Variants in KLF13 observed in about 807,000 individuals in gnomAD.
KLF13 encodes KLF transcription factor 13, also known as Krueppel-like factor 13.
In KLF13, 8 loss-of-function variants were observed where a neutral mutation model predicts 16.7. The ratio of observed to expected loss-of-function variants is 0.48; its 90% CI spans 0.28 to 0.87. KLF13 has a LOEUF of 0.87. KLF13 is among the 40% of genes least tolerant of loss of function. The probability of loss-of-function intolerance (pLI) is 0.10; values close to 1 mark genes in which losing one functional copy is unlikely to be tolerated. For synonymous variants in KLF13, 245 were observed against 208.4 expected (o/e 1.18, Z -1.51); for missense variants, 447 against 452.2 (o/e 0.99, Z 0.10).
chr15:31,350,480 T>G (rs2039199406), intron 1 of KLF13, among the ~76,000 whole-genome samples: 1 of 152,206 alleles, frequency 6.6e-6, no homozygotes, highest in Non-Finnish European at 1.5e-5. Context: ...ATGCTCCACT[T>G]TGCTTCCGTC....
chr15:31,363,261 A>C (rs1395558641), intron 1 of KLF13, among the ~76,000 whole-genome samples: 1 of 152,180 alleles, frequency 6.6e-6, no homozygotes, highest in East Asian at 1.9e-4. Context: ...CTTTTCATGC[A>C]TTTGAGAGCC....
At chr15:31,333,608 T>C (rs1336495466) in intron 1 of KLF13, among the ~76,000 whole-genome samples, 1 of 152,194 alleles carries the variant, frequency 6.6e-6, no homozygotes, top group Non-Finnish European at 1.5e-5. Context: ...TATATTTTTC[T>C]CCCTTTTCCA....
At chr15:31,399,324 C>A (rs2040000858) in intron 2 of KLF13, among the ~76,000 whole-genome samples, 2 of 152,098 alleles carry the variant, frequency 1.3e-5, no homozygotes, top group African/African-American at 2.4e-5. Context: ...TGGGATTAGC[C>A]CAGCTAATTT....
chr15:31,419,449 A>G (rs558139420), intron 1 of KLF13, among the ~76,000 whole-genome samples: 33 of 152,318 alleles, frequency 2.2e-4, no homozygotes, highest in Non-Finnish European at 3.4e-4. Context: ...CAAAGTGACA[A>G]TATGATCAAA....
chr15:31,406,875 A>G (rs2040135843), downstream of KLF13, among the ~76,000 whole-genome samples: 1 of 152,084 alleles, frequency 6.6e-6, no homozygotes, highest in Non-Finnish European at 1.5e-5. Context: ...CTGCTGTCAC[A>G]TCATCTTCTC....
intron 1 of KLF13, among the ~76,000 whole-genome samples, chr15:31,433,326 A>G: frequency 6.6e-6 from 1 of 152,078 alleles, no homozygotes; most frequent in East Asian, 1.9e-4. Context: ...GGCCCCAGGC[A>G]GTTTCTCCAC....
intron 1 of KLF13, among the ~76,000 whole-genome samples, chr15:31,432,952 T>C (rs1055642004): frequency 2.0e-5 from 3 of 152,116 alleles, no homozygotes; most frequent in Non-Finnish European, 4.4e-5. Context: ...CCATCTCTAC[T>C]AAAAATACAA....
upstream of KLF13, among the ~76,000 whole-genome samples, chr15:31,389,859 G>T (rs1257599524): frequency 6.6e-6 from 1 of 152,084 alleles, no homozygotes; most frequent in Non-Finnish European, 1.5e-5. Context: ...TTCTCTATGG[G>T]CCTAAAGTCA....
At position 31,334,275 on chromosome 15, in the gene KLF13, C is replaced by T. The variant is rs367745492; in HGVS notation, c.577+6486C>T. ...GTTCTTGGTCAGCCCACCTGAATGCCGGCCCTGTGGCCACAGGCAGCCTGT... is the reference window on the plus strand; with the variant it reads ...GTTCTTGGTCAGCCCACCTGAATGCTGGCCCTGTGGCCACAGGCAGCCTGT... On this transcript the variant is annotated intron_variant, in intron 1 of 1. Transcript: ENST00000307145. Among the ~76,000 whole-genome samples, 10 of 152,296 alleles carry T rather than the reference C, an allele frequency of 6.6e-5. No homozygotes were observed. In the South Asian group the frequency reaches 1.2e-3, roughly 19 times the overall value.
chr15:31,428,773 G>T (rs1367741962), intron 1 of KLF13, among the ~76,000 whole-genome samples: 1 of 131,540 alleles, frequency 7.6e-6, no homozygotes, highest in Non-Finnish European at 1.6e-5. Context: ...ACTGCAGTCT[G>T]GCCTGGGCGA....
At position 31,410,582 on chromosome 15, in the gene KLF13, AACACACACACACACACACACACAC is replaced by A. The variant is rs71110871; in HGVS notation, n.117+16912_117+16935del. ...ACCATGCAGACAGTAAACACCAACC[AACACACACACACACACACACACAC>A]ACACACACACACACACACACCCCTA... On this transcript the variant is annotated intron_variant and non_coding_transcript_variant, in intron 1 of 1. Transcript: ENST00000558225. Among the ~76,000 whole-genome samples, 9 of 146,954 alleles carry A rather than the reference AACACACACACACACACACACACAC, an allele frequency of 6.1e-5. No individual in the cohort carries two copies. The East Asian group carries it at 1.4e-3, about 23-fold the overall frequency.
intron 2 of KLF13, among the ~76,000 whole-genome samples, chr15:31,396,034 C>CT (rs767641181): frequency 6.6e-6 from 1 of 151,814 alleles, no homozygotes; most frequent in Non-Finnish European, 1.5e-5. Context: ...TTCTTTCTTT[C>CT]TTTTTTTTGA....
In KLF13 at chr15:31,399,089, G is replaced by A. The variant is rs190160274; in HGVS notation, n.530-4339G>A. Among the ~76,000 whole-genome samples the A allele has an allele frequency of 1.4e-4, 22 of 152,322 alleles. No individual in the cohort carries two copies. The East Asian group carries it at 3.9e-3, about 27-fold the overall frequency. On this transcript the variant is annotated intron_variant and non_coding_transcript_variant, in intron 2 of 2. Transcript: ENST00000500533. ...TGTCAGCACCAGATGGAGAAGCAGA[G>A]CAGACTCCACTGGGCAAAGTTGCAA...
chr15:31,334,582 C>T (rs571606570), intron 1 of KLF13, among the ~76,000 whole-genome samples: 12 of 151,530 alleles, frequency 7.9e-5, no homozygotes, highest in African/African-American at 2.7e-4. Context: ...CGCCTGCCAC[C>T]GTGCCCAGCT....
rs758928142 is a variant in KLF13 at position 31,327,692 on chromosome 15, C to T, written c.480C>T (p.Leu160=). 5 of 1,533,376 alleles carry T rather than the reference C, an allele frequency of 3.3e-6. No homozygotes were observed. In the Admixed American group the frequency reaches 9.4e-5, roughly 29 times the overall value. 95.0% of individuals were successfully genotyped at this position (1,533,376 alleles called of 1,614,324 possible). ...GGCGGGGCCGAAGTCGCGCCGACCT[C>T]GAGTCCCCGCAGAGGAAGCACAAGT... The part of the protein sequence containing the change: ...RVRRGRSRAD[L]ESPQRKHKCH... The change falls in exon 1 of 2, where the codon CTC becomes CTT. Residue 160 remains leucine, a synonymous_variant. Transcript: ENST00000307145.
intron 1 of KLF13, among the ~76,000 whole-genome samples, chr15:31,328,310 G>T (rs2038758920): frequency 6.6e-6 from 1 of 151,806 alleles, no homozygotes; most frequent in Admixed American, 6.5e-5. Flanking sequence ...GGTTTCCTTC[G>T]CCACTCGGCA....
At chr15:31,385,619 A>G (rs904485950) in intron 1 of KLF13, among the ~76,000 whole-genome samples, 2 of 152,218 alleles carry the variant, frequency 1.3e-5, no homozygotes, top group African/African-American at 4.8e-5. Flanking sequence ...TTACTCTTGT[A>G]ATTGGAGTGC....
chr15:31,434,061 T>G (rs1027085697), intron 1 of KLF13, among the ~76,000 whole-genome samples: 1 of 152,184 alleles, frequency 6.6e-6, no homozygotes, highest in Admixed American at 6.5e-5. Flanking sequence ...CCCAGAGAGA[T>G]TCCCACCTAG....
rs573183801 is a variant in KLF13, at chr15:31,434,790, C to A, written n.118-580C>A. Among the ~76,000 whole-genome samples, 5 of 152,338 alleles carry A rather than the reference C, an allele frequency of 3.3e-5. No individual in the cohort carries two copies. In the South Asian group the frequency reaches 1.0e-3, roughly 32 times the overall value. ...CCACGCCTCCCTGCCCCAGCCACAGCCCCCCGTCAATGCCGGCGCGCAGCA... is the reference window on the plus strand; with the variant it reads ...CCACGCCTCCCTGCCCCAGCCACAGACCCCCGTCAATGCCGGCGCGCAGCA... On this transcript the variant is annotated intron_variant and non_coding_transcript_variant, in intron 1 of 1. Transcript: ENST00000558225.
Sources: gnomAD v4.1 joint callset for allele counts (sites outside exome capture counted in the v4.1 genomes callset) on GRCh38, gnomAD v4.1.1 for gene constraint, MANE v1.5 for transcripts, NCBI Gene and HGNC (gene_info 2026-07-23, HGNC 2026-07-21) for gene names.